TTC7B: variants seen among roughly 807,000 people sequenced by gnomAD.
TTC7B encodes the protein tetratricopeptide repeat protein 7B.
In TTC7B, 28 loss-of-function variants were observed where a neutral mutation model predicts 106.8. The ratio of observed to expected loss-of-function variants is 0.26; its 90% confidence interval spans 0.19 to 0.36. The LOEUF (loss-of-function observed/expected upper bound fraction) is 0.36. TTC7B is among the 10% of genes least tolerant of loss of function. The pLI, the probability that TTC7B is intolerant of heterozygous loss-of-function variation, is 1.00. For synonymous variants in TTC7B, 405 were observed against 430.6 expected (o/e 0.94, Z 0.74); for missense variants, 862 against 1,076.4 (o/e 0.80, Z 2.79).
chr14:90,655,372 G>A (rs1464971527), intron 11 of TTC7B, among the ~76,000 whole-genome samples: 2 of 152,090 alleles, frequency 1.3e-5, no homozygotes, highest in African/African-American at 2.4e-5. Context: ...TATTTGGTGG[G>A]GGTCTATCTT....
chr14:90,745,046 T>C, intron 3 of TTC7B, 124 bp from the exon 4 acceptor site: 1 of 918,376 alleles, frequency 1.1e-6, no homozygotes, highest in East Asian at 2.5e-5. Flanking sequence ...ATAGACAGTT[T>C]ACTTCCTCCT....
At chr14:90,615,231 T>C (rs1031444917) in intron 16 of TTC7B, among the ~76,000 whole-genome samples, 2 of 152,178 alleles carry the variant, frequency 1.3e-5, no homozygotes, top group Non-Finnish European at 2.9e-5. Context: ...TTGCTGAGAA[T>C]ATGAAGCTAG....
At chr14:90,738,278 A>G (rs1244877108) in intron 4 of TTC7B, among the ~76,000 whole-genome samples, 1 of 152,202 alleles carries the variant, frequency 6.6e-6, no homozygotes, top group African/African-American at 2.4e-5. Context: ...TCAAGGTTGC[A>G]AAGAAACCAC....
At chr14:90,691,609 T>G (rs947415382) in intron 6 of TTC7B, among the ~76,000 whole-genome samples, 1 of 152,228 alleles carries the variant, frequency 6.6e-6, no homozygotes, top group Admixed American at 6.5e-5. Context: ...GAGAGAAAGG[T>G]GGGAAGTGGG....
intron 3 of TTC7B, among the ~76,000 whole-genome samples, chr14:90,777,438 A>G (rs777187726): frequency 4.6e-5 from 7 of 152,100 alleles, no homozygotes; most frequent in Non-Finnish European, 5.9e-5. Context: ...GTGCTGGCCC[A>G]TAGGAGGTTC....
chr14:90,590,770 C>G (rs1013748974), intron 18 of TTC7B, among the ~76,000 whole-genome samples: 2 of 152,222 alleles, frequency 1.3e-5, no homozygotes, highest in Non-Finnish European at 2.9e-5. Flanking sequence ...AATCTTGACT[C>G]AAGCAAAGTC....
intron 15 of TTC7B, among the ~76,000 whole-genome samples, chr14:90,641,872 C>A (rs1885185800): frequency 6.6e-6 from 1 of 151,882 alleles, no homozygotes; most frequent in South Asian, 2.1e-4. Context: ...ACACCCTAGG[C>A]TATGGAAGAA....
chr14:90,647,006 G>T lies in TTC7B; in HGVS notation c.1535C>A (p.Pro512His), dbSNP rs752838151. 11 of 1,614,144 alleles carry T rather than the reference G, an allele frequency of 6.8e-6. No homozygotes were observed. Among genetic ancestry groups the T allele is most frequent in the Non-Finnish European group, 9.3e-6 (11 of 1,180,012 alleles). Reference protein sequence around the residue: ...LAFQRAHSLSPTDHQAAFYLA... With the variant: ...LAFQRAHSLSHTDHQAAFYLA... The stretch of plus-strand genomic sequence containing the variant: ...GTAGAAAGCTGCTTGGTGATCTGTG[G>T]GTGACAGGCTGTGGGCCCTGAAAAA... The change falls in exon 14 of 20, where the codon CCC becomes CAC. Residue 512 changes from proline (P) to histidine (H), a missense_variant. Coordinates refer to ENST00000328459, the MANE Select transcript of TTC7B (RefSeq NM_001010854.2).
chr14:90,708,116 AG>A (rs1358989169), intron 5 of TTC7B, among the ~76,000 whole-genome samples: 1 of 139,710 alleles, frequency 7.2e-6, no homozygotes, highest in Non-Finnish European at 1.5e-5. Context: ...ACTGCACTCC[AG>A]CCCAGGCGAC....
intron 9 of TTC7B, among the ~76,000 whole-genome samples, chr14:90,669,794 A>C (rs1336200919): frequency 2.6e-5 from 4 of 152,240 alleles, no homozygotes; most frequent in African/African-American, 9.6e-5. Context: ...GCTGGTGAAG[A>C]AGTGGAGAAA....
At chr14:90,769,005 T>C (rs2401916) in intron 3 of TTC7B, among the ~76,000 whole-genome samples, 42,035 of 152,094 alleles carry the variant, frequency 0.28, 9,627 homozygotes, top group African/African-American at 0.63. Flanking sequence ...GGGTATACAA[T>C]GGGTAAAGAT....
At chr14:90,743,750 T>A (rs1951245838) in intron 4 of TTC7B, among the ~76,000 whole-genome samples, 1 of 150,624 alleles carries the variant, frequency 6.6e-6, no homozygotes, top group Admixed American at 6.6e-5. Context: ...CTTCATGAAG[T>A]AGGAACTATG....
chr14:90,664,067 G>A (rs138207144), intron 9 of TTC7B, among the ~76,000 whole-genome samples: 53 of 152,254 alleles, frequency 3.5e-4, no homozygotes, highest in African/African-American at 1.2e-3. Context: ...TGCACCCATG[G>A]TAAAAAGGAA....
intron 3 of TTC7B, among the ~76,000 whole-genome samples, chr14:90,777,613 G>A (rs150689689): frequency 3.0e-4 from 46 of 152,318 alleles, no homozygotes; most frequent in African/African-American, 1.0e-3. Flanking sequence ...GCCTAGAGCA[G>A]TGTGCACATA....
intron 5 of TTC7B, among the ~76,000 whole-genome samples, chr14:90,703,684 G>A (rs1033453759): frequency 1.3e-5 from 2 of 152,234 alleles, no homozygotes; most frequent in African/African-American, 2.4e-5. Flanking sequence ...ACTGTGGGAC[G>A]ACAGGCGTCG....
chr14:90,580,526 T>C (rs1047269137), intron 18 of TTC7B, among the ~76,000 whole-genome samples: 3 of 152,084 alleles, frequency 2.0e-5, no homozygotes, highest in African/African-American at 7.2e-5. Flanking sequence ...GATATCCGAC[T>C]CCTCTGCAGC....
rs1407355869 is a variant in TTC7B, at chr14:90,646,982, T to C, written c.1559A>G (p.Tyr520Cys). 2 of 1,614,168 alleles carry C rather than the reference T, an allele frequency of 1.2e-6. No homozygotes were observed. The highest frequency in any genetic ancestry group is 1.7e-6 in the Non-Finnish European group (2 of 1,180,024). Residue 520 changes from tyrosine (Y) to cysteine (C), a missense_variant, in exon 14 of 20, where the codon TAC becomes TGC. Coordinates refer to ENST00000328459, the MANE Select transcript of TTC7B (RefSeq NM_001010854.2). The part of the protein sequence containing the change: ...LSPTDHQAAF[Y>C]LALQLAISRQ... Reference sequence around the variant, plus strand: ...GGAGATGGCAAGCTGCAGAGCCAGGTAGAAAGCTGCTTGGTGATCTGTGGG... The same window carrying C: ...GGAGATGGCAAGCTGCAGAGCCAGGCAGAAAGCTGCTTGGTGATCTGTGGG...
intron 15 of TTC7B, among the ~76,000 whole-genome samples, chr14:90,620,227 T>C (rs1213489347): frequency 6.6e-6 from 1 of 151,990 alleles, no homozygotes; most frequent in Non-Finnish European, 1.5e-5. Flanking sequence ...TACAAGCAGA[T>C]GAGCATAAAG....
chr14:90,671,403 T>C (rs996020166), intron 9 of TTC7B, among the ~76,000 whole-genome samples: 2 of 152,180 alleles, frequency 1.3e-5, no homozygotes, highest in Non-Finnish European at 2.9e-5. Context: ...GCCTTGCCTA[T>C]GGAGGGGGGA....
Sources: gnomAD v4.1 joint callset for allele counts (sites outside exome capture counted in the v4.1 genomes callset) on GRCh38, gnomAD v4.1.1 for gene constraint, MANE v1.5 for transcripts, NCBI Gene and HGNC (gene_info 2026-07-23, HGNC 2026-07-21) for gene names.